Variants in PLPP1 observed in about 807,000 individuals in gnomAD.
The protein encoded by PLPP1 is lipid phosphate phosphohydrolase 1a.
In PLPP1, 24 loss-of-function variants were observed where a neutral mutation model predicts 31.2. That is an observed-to-expected ratio of 0.77 (90% CI 0.56 to 1.08). PLPP1 has a LOEUF of 1.08. Ranked by LOEUF, PLPP1 falls within the 50% of genes least tolerant of loss-of-function variation. The probability of loss-of-function intolerance (pLI) is 0.00; values close to 1 mark genes in which losing one functional copy is unlikely to be tolerated. For missense variants in PLPP1, 319 were observed against 342.7 expected, an observed-to-expected ratio of 0.93 and a Z score of 0.55; for synonymous variants, 146 against 126.3, an observed-to-expected ratio of 1.16 and a Z score of -1.05.
At chr5:55,530,948 G>T (rs1006995989) in intron 1 of PLPP1, among the ~76,000 whole-genome samples, 1 of 152,188 alleles carries the variant, frequency 6.6e-6, no homozygotes, top group Non-Finnish European at 1.5e-5. Context: ...AGCGGCAGCG[G>T]CCGAGGTGAC....
At chr5:55,503,787 A>G (rs577061220) in intron 1 of PLPP1, among the ~76,000 whole-genome samples, 13 of 120,370 alleles carry the variant, frequency 1.1e-4, no homozygotes, top group African/African-American at 6.1e-5. Flanking sequence ...AAAACGAAGG[A>G]GAGGAAGGGG....
intron 3 of PLPP1, among the ~76,000 whole-genome samples, chr5:55,448,253 C>G (rs1751813100): frequency 6.6e-6 from 1 of 152,094 alleles, no homozygotes; most frequent in South Asian, 2.1e-4. Flanking sequence ...CTTAAGGAAT[C>G]AAGTAGGTGA....
intron 2 of PLPP1, among the ~76,000 whole-genome samples, chr5:55,472,247 C>A (rs1333305303): frequency 6.6e-6 from 1 of 152,186 alleles, no homozygotes; most frequent in East Asian, 1.9e-4. Flanking sequence ...CTGCATTCAT[C>A]TATTAATTTG....
chr5:55,524,420 C>A (rs1277214730), intron 1 of PLPP1, among the ~76,000 whole-genome samples: 1 of 152,188 alleles, frequency 6.6e-6, no homozygotes, highest in African/African-American at 2.4e-5. Flanking sequence ...AAGTATTACA[C>A]AACGGTTTTT....
At chr5:55,489,746 G>C (rs1330874732) in intron 1 of PLPP1, among the ~76,000 whole-genome samples, 1 of 152,138 alleles carries the variant, frequency 6.6e-6, no homozygotes, top group Non-Finnish European at 1.5e-5. Context: ...AGAGAGAAAA[G>C]CCAGCCAGTC....
intron 1 of PLPP1, chr5:55,530,640 C>T: frequency 6.3e-7 from 1 of 1,591,192 alleles, no homozygotes; most frequent in South Asian, 1.1e-5. Context: ...GCATCTGCAG[C>T]TACCAGAAAA....
At chr5:55,497,640 G>C (rs1026895888) in intron 1 of PLPP1, among the ~76,000 whole-genome samples, 4 of 152,006 alleles carry the variant, frequency 2.6e-5, no homozygotes, top group African/African-American at 9.7e-5. Flanking sequence ...ATTTAGGTTT[G>C]GGCAACACAG....
At chr5:55,461,236 GAAAC>G (rs1752147707) in intron 3 of PLPP1, among the ~76,000 whole-genome samples, 4 of 152,064 alleles carry the variant, frequency 2.6e-5, no homozygotes, top group Admixed American at 1.3e-4. Context: ...TTCCCACAAA[GAAAC>G]TTCTAGGCCC....
At chr5:55,429,755 G>A (rs953383885) in intron 4 of PLPP1, among the ~76,000 whole-genome samples, 1 of 152,038 alleles carries the variant, frequency 6.6e-6, no homozygotes, top group Non-Finnish European at 1.5e-5. Flanking sequence ...TGCTGCCGCA[G>A]GGCCAAAGTA....
chr5:55,447,175 A>C (rs796336114), intron 3 of PLPP1, among the ~76,000 whole-genome samples: 11 of 152,362 alleles, frequency 7.2e-5, no homozygotes, highest in African/African-American at 2.6e-4. Flanking sequence ...CCATGTTACC[A>C]GAAATAGAAG....
chr5:55,462,481 C>CA (rs750611995), intron 3 of PLPP1, among the ~76,000 whole-genome samples: 1 of 151,428 alleles, frequency 6.6e-6, no homozygotes, highest in Non-Finnish European at 1.5e-5. Flanking sequence ...ACATTATACA[C>CA]AAAAAAATAA....
intron 1 of PLPP1, among the ~76,000 whole-genome samples, chr5:55,483,798 A>G (rs555437029): frequency 6.6e-6 from 1 of 152,064 alleles, no homozygotes; most frequent in Non-Finnish European, 1.5e-5. Flanking sequence ...TCCACATCCC[A>G]GAGTAAAGGA....
At chr5:55,491,860 G>GTTAA in intron 1 of PLPP1, among the ~76,000 whole-genome samples, 1 of 102,276 alleles carries the variant, frequency 9.8e-6, no homozygotes, top group South Asian at 3.9e-4. Flanking sequence ...TCAATCTCAG[G>GTTAA]AAAAAAAAAA....
At chr5:55,467,096 T>C (rs902429775) in intron 3 of PLPP1, among the ~76,000 whole-genome samples, 1 of 152,134 alleles carries the variant, frequency 6.6e-6, no homozygotes, top group Non-Finnish European at 1.5e-5. Context: ...AAGGGCGTTA[T>C]AAGACAGCAA....
At chr5:55,451,866 G>T (rs1751902146) in intron 3 of PLPP1, among the ~76,000 whole-genome samples, 1 of 152,090 alleles carries the variant, frequency 6.6e-6, no homozygotes. Flanking sequence ...AATAGACAAA[G>T]GCAGAAAAGT....
chr5:55,474,003 T>G (rs764806349), intron 2 of PLPP1, among the ~76,000 whole-genome samples: 4,616 of 91,062 alleles, frequency 0.051, 124 homozygotes, highest in Middle Eastern at 0.095. Flanking sequence ...TGTTGTTTTT[T>G]TTTTTTTTTT....
intron 3 of PLPP1, among the ~76,000 whole-genome samples, chr5:55,442,344 T>C (rs4865942): frequency 0.057 from 8,734 of 152,190 alleles, 441 homozygotes; most frequent in Admixed American, 0.11. Context: ...ATTGCTTTTT[T>C]CCATCCATAT....
intron 2 of PLPP1, among the ~76,000 whole-genome samples, chr5:55,471,976 G>C (rs146099144): frequency 3.3e-4 from 50 of 151,740 alleles, no homozygotes; most frequent in African/African-American, 1.2e-3. Flanking sequence ...AATGTAATTA[G>C]CCAGATGTGG....
At chr5:55,460,220 A>C (rs1018785671) in intron 3 of PLPP1, among the ~76,000 whole-genome samples, 16 of 152,210 alleles carry the variant, frequency 1.1e-4, no homozygotes, top group African/African-American at 3.9e-4. Flanking sequence ...ATATATCAAA[A>C]TTTGTGACAC....
Sources: gnomAD v4.1 joint callset for allele counts (sites outside exome capture counted in the v4.1 genomes callset) on GRCh38, gnomAD v4.1.1 for gene constraint, MANE v1.5 for transcripts, NCBI Gene and HGNC (gene_info 2026-07-23, HGNC 2026-07-21) for gene names.